Variants in OR9Q1 observed in about 807,000 individuals in gnomAD.
The protein encoded by OR9Q1 is olfactory receptor family 9 subfamily Q member 1.
For synonymous variants in OR9Q1, 153 were observed against 148.6 expected (o/e 1.03, Z -0.22); for missense variants, 374 against 378.8 (o/e 0.99, Z 0.11).
chr11:58,118,415 T>C (rs920685356), intron 2 of OR9Q1: 2 of 844,094 alleles, frequency 2.4e-6, no homozygotes, highest in South Asian at 1.7e-5. Context: ...TTTGTGGGTA[T>C]AGGTTGCATA....
At chr11:58,146,282 A>G (rs1854298250) in intron 2 of OR9Q1, among the ~76,000 whole-genome samples, 2 of 152,166 alleles carry the variant, frequency 1.3e-5, no homozygotes, top group South Asian at 4.1e-4. Context: ...CTCCTTTAGG[A>G]CATTTACTCT....
chr11:58,036,129 A>G (rs1279312016), intron 1 of OR9Q1, among the ~76,000 whole-genome samples: 1 of 152,130 alleles, frequency 6.6e-6, no homozygotes, highest in Non-Finnish European at 1.5e-5. Flanking sequence ...GTGATTTTTG[A>G]TGTCACTATT....
intron 2 of OR9Q1, among the ~76,000 whole-genome samples, chr11:58,110,432 T>C (rs1239731910): frequency 6.6e-6 from 1 of 152,172 alleles, no homozygotes; most frequent in Non-Finnish European, 1.5e-5. Flanking sequence ...TGAGGGACCA[T>C]GAAAGACAGT....
chr11:58,116,748 G>T (rs533152586), intron 2 of OR9Q1: 7 of 152,204 alleles, frequency 4.6e-5, no homozygotes, highest in Admixed American at 1.3e-4. Context: ...CATGGGTCAG[G>T]TGCTTATTTC....
intron 1 of OR9Q1, among the ~76,000 whole-genome samples, chr11:58,046,597 C>T (rs558271007): frequency 1.3e-5 from 2 of 152,166 alleles, no homozygotes; most frequent in Non-Finnish European, 2.9e-5. Context: ...CGTGGTGGCT[C>T]ACACCTGTAA....
chr11:58,089,283 T>C (rs1374475617), intron 2 of OR9Q1, among the ~76,000 whole-genome samples: 2 of 151,928 alleles, frequency 1.3e-5, no homozygotes, highest in African/African-American at 4.9e-5. Flanking sequence ...TTTTGGGTTT[T>C]ACATTTAAGT....
chr11:58,059,176 C>A (rs952809091), intron 2 of OR9Q1, among the ~76,000 whole-genome samples: 1 of 152,108 alleles, frequency 6.6e-6, no homozygotes. Context: ...AGGAATGCAG[C>A]GGACTAAAGA....
intron 2 of OR9Q1, among the ~76,000 whole-genome samples, chr11:58,097,799 G>T (rs529851820): frequency 6.6e-6 from 1 of 152,336 alleles, no homozygotes; most frequent in Non-Finnish European, 1.5e-5. Context: ...AATGGTGCAT[G>T]CAACAACATG....
At chr11:58,134,738 C>A (rs573874141) in intron 2 of OR9Q1, among the ~76,000 whole-genome samples, 3 of 152,224 alleles carry the variant, frequency 2.0e-5, no homozygotes, top group East Asian at 1.9e-4. Context: ...GCATCCATAT[C>A]CCTATGGCAA....
chr11:58,034,636 CCTTCTTGT>C (rs1853077653), intron 1 of OR9Q1, among the ~76,000 whole-genome samples: 1 of 151,912 alleles, frequency 6.6e-6, no homozygotes, highest in African/African-American at 2.4e-5. Flanking sequence ...TTGTCTAGAG[CCTTCTTGT>C]TATTTACATG....
At chr11:58,099,288 AT>A (rs1208643637) in intron 2 of OR9Q1, among the ~76,000 whole-genome samples, 1 of 140,724 alleles carries the variant, frequency 7.1e-6, no homozygotes, top group African/African-American at 2.5e-5. Context: ...AATATATAAA[AT>A]AATATAAAAT....
chr11:58,098,761 A>G (rs1853755719), intron 2 of OR9Q1, among the ~76,000 whole-genome samples: 2 of 151,602 alleles, frequency 1.3e-5, no homozygotes, highest in Middle Eastern at 3.4e-3. Context: ...TTTTCTTTGG[A>G]TTTAATTCGA....
chr11:58,057,911 C>T (rs756888591), intron 2 of OR9Q1: 7 of 152,160 alleles, frequency 4.6e-5, no homozygotes, highest in Non-Finnish European at 7.3e-5. Context: ...CAACCTACCA[C>T]GTATATATTA....
chr11:58,089,446 C>A (rs1486789263), intron 2 of OR9Q1, among the ~76,000 whole-genome samples: 1 of 151,846 alleles, frequency 6.6e-6, no homozygotes, highest in Non-Finnish European at 1.5e-5. Flanking sequence ...TGTCGAAGGT[C>A]AGATGGCTGT....
At chr11:58,031,111 G>A (rs201084141) in intron 1 of OR9Q1, 9 of 1,614,024 alleles carry the variant, frequency 5.6e-6, no homozygotes, top group Non-Finnish European at 6.8e-6. Context: ...TGGTGGGTTT[G>A]GACCACCGAC....
At chr11:58,155,025 C>T (rs1198762434) in intron 2 of OR9Q1, among the ~76,000 whole-genome samples, 2 of 152,196 alleles carry the variant, frequency 1.3e-5, no homozygotes, top group Admixed American at 1.3e-4. Context: ...ACCTACCTTC[C>T]TGCCTACCTA....
intron 2 of OR9Q1, chr11:58,118,668 A>G: frequency 1.2e-6 from 2 of 1,614,050 alleles, no homozygotes; most frequent in Non-Finnish European, 8.5e-7. Context: ...CACTTTGCAG[A>G]TACATGAAGA....
At chr11:58,175,735 A>G (rs1301529686) in intron 2 of OR9Q1, among the ~76,000 whole-genome samples, 8 of 151,990 alleles carry the variant, frequency 5.3e-5, no homozygotes, top group Admixed American at 4.6e-4. Context: ...CGACGAGTCA[A>G]TGTACCACAT....
intron 2 of OR9Q1, among the ~76,000 whole-genome samples, chr11:58,131,398 G>T (rs1009062705): frequency 6.6e-6 from 1 of 152,118 alleles, no homozygotes; most frequent in Non-Finnish European, 1.5e-5. Flanking sequence ...TCCATCACAT[G>T]TAAGGATAAG....
Sources: allele counts gnomAD v4.1 joint callset (sites outside exome capture counted in the v4.1 genomes callset), GRCh38; gene constraint gnomAD v4.1.1; transcripts MANE v1.5; gene names NCBI Gene and HGNC (gene_info 2026-07-23, HGNC 2026-07-21).